SHC4: variants seen among roughly 807,000 people sequenced by gnomAD.
SHC4 encodes the protein SHC adaptor protein 4, also known as SHC-transforming protein 4.
In SHC4, 41 loss-of-function variants were observed where a neutral mutation model predicts 69.4. The ratio of observed to expected loss-of-function variants is 0.59; its 90% CI spans 0.46 to 0.77. SHC4 has a LOEUF of 0.77. Ranked by LOEUF, SHC4 falls within the 30% of genes least tolerant of loss-of-function variation. The pLI, the probability that SHC4 is intolerant of heterozygous loss-of-function variation, is 0.00. For synonymous variants in SHC4, 318 were observed against 299.3 expected (o/e 1.06, Z -0.64); for missense variants, 777 against 783.8 (o/e 0.99, Z 0.10).
intron 1 of SHC4, among the ~76,000 whole-genome samples, chr15:48,954,691 CGCTGCTG>C (rs1188743073): frequency 6.6e-6 from 1 of 152,136 alleles, no homozygotes; most frequent in Non-Finnish European, 1.5e-5. Context: ...GCCAGGGTGG[CGCTGCTG>C]GCCGGGAGAA....
intron 1 of SHC4, among the ~76,000 whole-genome samples, chr15:48,928,438 C>T (rs1900895328): frequency 6.6e-6 from 1 of 152,010 alleles, no homozygotes; most frequent in Non-Finnish European, 1.5e-5. Context: ...ACAGAAATGT[C>T]TGAACAGGAG....
At chr15:48,920,386 T>G (rs1363993425) in intron 2 of SHC4, among the ~76,000 whole-genome samples, 1 of 152,066 alleles carries the variant, frequency 6.6e-6, no homozygotes, top group Admixed American at 6.6e-5. Flanking sequence ...ATCTGAGTGA[T>G]GAATGATCAT....
intron 2 of SHC4, among the ~76,000 whole-genome samples, chr15:48,891,293 G>T: frequency 6.6e-6 from 1 of 152,196 alleles, no homozygotes; most frequent in East Asian, 1.9e-4. Context: ...TGAACTTCAA[G>T]GTGGTCTCAA....
intron 11 of SHC4, among the ~76,000 whole-genome samples, chr15:48,831,690 T>C (rs1898804933): frequency 6.6e-6 from 1 of 152,244 alleles, no homozygotes; most frequent in Non-Finnish European, 1.5e-5. Flanking sequence ...ATTTCCCCAT[T>C]GTTAAGTGAT....
intron 1 of SHC4, 97 bp from the exon 2 acceptor site, chr15:48,925,046 C>T: frequency 7.9e-7 from 1 of 1,258,068 alleles, no homozygotes; most frequent in Non-Finnish European, 1.1e-6. Context: ...CTAAAATCAG[C>T]TTCTGCTATC....
At chr15:48,927,533 T>C (rs112852865) in intron 1 of SHC4, among the ~76,000 whole-genome samples, 1 of 152,290 alleles carries the variant, frequency 6.6e-6, no homozygotes, top group East Asian at 1.9e-4. Context: ...TATCAGATCG[T>C]GTTCCTCCAC....
intron 1 of SHC4, among the ~76,000 whole-genome samples, chr15:48,944,824 G>C (rs1222137198): frequency 1.3e-5 from 2 of 152,124 alleles, no homozygotes; most frequent in Non-Finnish European, 1.5e-5. Context: ...CTCTTAAATA[G>C]GCTTTCCTAT....
chr15:48,932,161 C>T (rs924731885), intron 1 of SHC4, among the ~76,000 whole-genome samples: 1 of 152,102 alleles, frequency 6.6e-6, no homozygotes, highest in Non-Finnish European at 1.5e-5. Context: ...ACATATATGG[C>T]ATGTTATCAT....
Position 48,891,384 on chromosome 15 carries a change from A to T in SHC4, c.657-573T>A, listed in dbSNP as rs184493549. Among the ~76,000 whole-genome samples, 429 of 152,304 alleles carry T rather than the reference A, an allele frequency of 2.8e-3. 2 individuals are homozygous for T. Among genetic ancestry groups the T allele is most frequent in the African/African-American group, 0.01 (417 of 41,544 alleles). Reference sequence around the variant, plus strand: ...CACAGAAGAAAAGAAATCAATATCAAATTTCCTCCTTTGCTTACTTTTCTG... The same window carrying T: ...CACAGAAGAAAAGAAATCAATATCATATTTCCTCCTTTGCTTACTTTTCTG... On this transcript the variant is annotated intron_variant, in intron 2 of 11. Coordinates refer to ENST00000332408, the MANE Select transcript of SHC4 (RefSeq NM_203349.4).
chr15:48,840,183 C>CT (rs1898966130), intron 10 of SHC4, among the ~76,000 whole-genome samples: 1 of 152,206 alleles, frequency 6.6e-6, no homozygotes, highest in Non-Finnish European at 1.5e-5. Flanking sequence ...TGGCACTAAT[C>CT]TTTGAGCTTT....
At chr15:48,890,864 TA>T in intron 2 of SHC4, 53 bp from the exon 3 acceptor site, 3 of 1,577,966 alleles carry the variant, frequency 1.9e-6, no homozygotes, top group Non-Finnish European at 2.6e-6. Flanking sequence ...CTCCACACAG[TA>T]AGTGTTTAAG....
chr15:48,907,224 T>A (rs1470281552), intron 2 of SHC4, among the ~76,000 whole-genome samples: 1 of 151,914 alleles, frequency 6.6e-6, no homozygotes, highest in Admixed American at 6.6e-5. Context: ...TTTTTTTTTT[T>A]TCTTTTCCTT....
At position 48,924,234 on chromosome 15, in the gene SHC4, C is replaced by A. The variant is rs945667738; in HGVS notation, c.656+645G>T. On this transcript the variant is annotated intron_variant, in intron 2 of 11. Transcript: ENST00000332408. ...CCCAGTCCTCTCACCTCATCTCCCT[C>A]ACTTCACAATTTTTCCAGCTGCCAG... 3.3e-5 allele frequency among the ~76,000 whole-genome samples: 5 copies of A among 152,278 alleles called. No homozygotes were observed. In the East Asian group the frequency reaches 9.6e-4, roughly 29 times the overall value.
chr15:48,907,771 C>CAT (rs59241668), intron 2 of SHC4, among the ~76,000 whole-genome samples: 286 of 147,136 alleles, frequency 1.9e-3, no homozygotes, highest in African/African-American at 5.4e-3. Context: ...AGTATTCCAT[C>CAT]ATATATATAT....
At chr15:48,826,261 T>G (rs923871486) in intron 11 of SHC4, 135 bp from the exon 12 acceptor site, 1 of 909,868 alleles carries the variant, frequency 1.1e-6, no homozygotes, top group Non-Finnish European at 1.6e-6. Context: ...TACTTTTTTT[T>G]TTTTTTTTGA....
At chr15:48,952,853 T>C (rs895066791) in intron 1 of SHC4, among the ~76,000 whole-genome samples, 8 of 152,212 alleles carry the variant, frequency 5.3e-5, no homozygotes, top group Non-Finnish European at 1.2e-4. Flanking sequence ...TGGAAGATAG[T>C]GTGGTAATTC....
At chr15:48,897,106 A>G (rs1014621609) in intron 2 of SHC4, among the ~76,000 whole-genome samples, 2 of 152,222 alleles carry the variant, frequency 1.3e-5, no homozygotes, top group Non-Finnish European at 2.9e-5. Context: ...TTCTCCAGCT[A>G]GCAAACATTC....
chr15:48,899,692 G>A (rs979497227), intron 2 of SHC4, among the ~76,000 whole-genome samples: 6 of 151,832 alleles, frequency 4.0e-5, no homozygotes, highest in Admixed American at 6.6e-5. Flanking sequence ...TGGAAGGAAC[G>A]AACAACTGGC....
At chr15:48,956,188 A>G (rs1482412638) in intron 1 of SHC4, among the ~76,000 whole-genome samples, 1 of 152,198 alleles carries the variant, frequency 6.6e-6, no homozygotes, top group African/African-American at 2.4e-5. Context: ...TTTTAGCTGG[A>G]ATTATTTCCT....
Sources: gnomAD v4.1 joint callset for allele counts (sites outside exome capture counted in the v4.1 genomes callset) on GRCh38, gnomAD v4.1.1 for gene constraint, MANE v1.5 for transcripts, NCBI Gene and HGNC (gene_info 2026-07-23, HGNC 2026-07-21) for gene names.